Variants in MTSS1 observed in about 807,000 individuals in gnomAD.
MTSS1 encodes protein MTSS 1.
Under a neutral mutation model 79.0 loss-of-function variants are expected in MTSS1, and 18 were observed. The ratio of observed to expected loss-of-function variants is 0.23; its 90% CI spans 0.16 to 0.34. MTSS1 has a LOEUF of 0.34. MTSS1 is among the 10% of genes least tolerant of loss of function. MTSS1 has a pLI of 1.00. For missense variants in MTSS1, 815 were observed against 986.2 expected, an observed-to-expected ratio of 0.83 and a Z score of 2.33; for synonymous variants, 341 against 368.6, an observed-to-expected ratio of 0.93 and a Z score of 0.86.
chr8:124,606,134 C>T (rs370960631), intron 3 of MTSS1, among the ~76,000 whole-genome samples: 14 of 150,046 alleles, frequency 9.3e-5, no homozygotes, highest in Middle Eastern at 3.4e-3. Context: ...TGCCACCATG[C>T]CCAGCTAATT....
chr8:124,557,827 C>A lies in MTSS1; in HGVS notation c.1084G>T (p.Gly362Trp). 6.2e-7 allele frequency: 1 copy of A among 1,603,840 alleles called. No homozygotes were observed. ...GGGAAAAGGCCTGCACCCGTGGGCC[C>A]CACGTGGGACTCACTTGATAAACTA... ...HYSLSSESHV[G>W]PTGAGLFPHC... Residue 362 changes from glycine (G) to tryptophan (W), a missense_variant, in exon 11 of 14, where the codon GGG becomes TGG. Gly to Trp is a radical substitution (Grantham distance 184). Around this residue, in one of 2 missense-constraint regions of MTSS1, gnomAD observed 590 missense variants for 620.8 expected, o/e 0.95. Transcript: ENST00000518547.
chr8:124,657,951 TGA>T (rs1821277963), intron 3 of MTSS1, among the ~76,000 whole-genome samples: 1 of 152,128 alleles, frequency 6.6e-6, no homozygotes, highest in South Asian at 2.1e-4. Context: ...AATTAGGTCA[TGA>T]GAGTGGAACC....
intron 1 of MTSS1, among the ~76,000 whole-genome samples, chr8:124,715,936 G>A (rs1831880555): frequency 6.6e-6 from 1 of 152,210 alleles, no homozygotes; most frequent in Non-Finnish European, 1.5e-5. Context: ...AATGATGGTT[G>A]TAGGATGATG....
chr8:124,622,457 A>G (rs1428253318), intron 3 of MTSS1, among the ~76,000 whole-genome samples: 1 of 148,384 alleles, frequency 6.7e-6, no homozygotes, highest in African/African-American at 2.5e-5. Flanking sequence ...CTGCTAAGAC[A>G]GTAGATTTTA....
chr8:124,626,779 G>A (rs765070521), intron 3 of MTSS1, among the ~76,000 whole-genome samples: 6 of 152,036 alleles, frequency 3.9e-5, no homozygotes, highest in African/African-American at 7.3e-5. Flanking sequence ...TGGGTTCCAG[G>A]TTTCTTCCTA....
intron 3 of MTSS1, among the ~76,000 whole-genome samples, chr8:124,662,774 C>T (rs1424362456): frequency 6.6e-6 from 1 of 152,124 alleles, no homozygotes; most frequent in Non-Finnish European, 1.5e-5. Context: ...GACTTCCCTC[C>T]CTGCCCTCCC....
intron 3 of MTSS1, among the ~76,000 whole-genome samples, chr8:124,615,892 G>C (rs886995910): frequency 2.2e-4 from 33 of 152,160 alleles, no homozygotes; most frequent in African/African-American, 7.7e-4. Flanking sequence ...ACAGGAGGAA[G>C]GGCTGAGGCC....
intron 3 of MTSS1, among the ~76,000 whole-genome samples, chr8:124,646,209 G>C (rs186749925): frequency 1.3e-5 from 2 of 152,194 alleles, no homozygotes; most frequent in East Asian, 3.9e-4. Context: ...AGCAAGGCTG[G>C]GATTATAAAT....
intron 3 of MTSS1, among the ~76,000 whole-genome samples, chr8:124,650,269 T>C (rs996383436): frequency 1.1e-4 from 17 of 152,158 alleles, no homozygotes. Flanking sequence ...GACCTCATGA[T>C]CTGCTTGCCT....
At chr8:124,638,533 C>CGT (rs1817449986) in intron 3 of MTSS1, among the ~76,000 whole-genome samples, 1 of 152,192 alleles carries the variant, frequency 6.6e-6, no homozygotes, top group African/African-American at 2.4e-5. Flanking sequence ...GGCGGAGATC[C>CGT]GTGCCCTTCG....
intron 6 of MTSS1, among the ~76,000 whole-genome samples, chr8:124,577,937 G>A (rs991860299): frequency 4.6e-5 from 7 of 152,200 alleles, no homozygotes; most frequent in African/African-American, 1.4e-4. Flanking sequence ...AGTGCTTTCT[G>A]CTGGTTTTGT....
At chr8:124,671,589 T>C (rs1824227540) in intron 3 of MTSS1, among the ~76,000 whole-genome samples, 1 of 152,200 alleles carries the variant, frequency 6.6e-6, no homozygotes, top group African/African-American at 2.4e-5. Context: ...GACAGAGTGT[T>C]CCAGGACATT....
intron 10 of MTSS1, among the ~76,000 whole-genome samples, chr8:124,561,057 TATA>T (rs1825177641): frequency 6.6e-6 from 1 of 152,184 alleles, no homozygotes; most frequent in Admixed American, 6.5e-5. Context: ...CCCTTTACCT[TATA>T]ATAATAAGCA....
intron 7 of MTSS1, chr8:124,567,623 C>A: frequency 7.2e-7 from 1 of 1,389,720 alleles, no homozygotes; most frequent in Non-Finnish European, 9.3e-7. Flanking sequence ...CTAACTTTTC[C>A]CCTTCTTTCT....
chr8:124,659,071 T>G (rs1821514339), intron 3 of MTSS1, among the ~76,000 whole-genome samples: 1 of 152,252 alleles, frequency 6.6e-6, no homozygotes, highest in South Asian at 2.1e-4. Flanking sequence ...AGAGGATACC[T>G]CTTAATATTA....
chr8:124,718,352 AG>A (rs35527540), intron 1 of MTSS1, among the ~76,000 whole-genome samples: 5,720 of 151,876 alleles, frequency 0.038, 377 homozygotes, highest in African/African-American at 0.13. Context: ...GCCAGGTTCC[AG>A]GGGACCCCCG....
rs967383837 is a variant in MTSS1 at position 124,590,097 on chromosome 8, C to T, written c.294-386G>A. Among the ~76,000 whole-genome samples, 74 of 152,188 alleles carry T rather than the reference C, an allele frequency of 4.9e-4. 1 individual carries two copies. The highest frequency in any genetic ancestry group is 4.7e-3 in the Admixed American group (72 of 15,286). On this transcript the variant is annotated intron_variant, in intron 4 of 13. Transcript: ENST00000518547. ...GTCTTGATCTCCTGACCTCATGAGC[C>T]GCCTGCCTTGGCCTCCCAAAGTGCT...
chr8:124,725,104 C>G (rs1473293821), intron 1 of MTSS1, among the ~76,000 whole-genome samples: 2 of 152,196 alleles, frequency 1.3e-5, no homozygotes, highest in Non-Finnish European at 2.9e-5. Context: ...TTCCTCTCGT[C>G]AAGGAATCGA....
At chr8:124,716,252 T>C (rs1831957478) in intron 1 of MTSS1, among the ~76,000 whole-genome samples, 1 of 150,850 alleles carries the variant, frequency 6.6e-6, no homozygotes, top group African/African-American at 2.5e-5. Flanking sequence ...AGAGGATAAA[T>C]GGGAATTTTC....
Sources: allele counts gnomAD v4.1 joint callset (sites outside exome capture counted in the v4.1 genomes callset), GRCh38; gene constraint gnomAD v4.1.1; regional missense constraint gnomAD v4.1.1; transcripts MANE v1.5; gene names NCBI Gene and HGNC (gene_info 2026-07-23, HGNC 2026-07-21).